Variants in MGST1 observed in about 807,000 individuals in gnomAD.
MGST1 encodes microsomal glutathione S-transferase 1.
Under a neutral mutation model 8.9 loss-of-function variants are expected in MGST1, and 5 were observed. The ratio of observed to expected loss-of-function variants is 0.56; its 90% CI spans 0.29 to 1.19. The LOEUF is 1.19. MGST1 is among the 50% of genes most tolerant of loss of function. The probability of loss-of-function intolerance (pLI) is 0.08; values close to 1 mark genes in which losing one functional copy is unlikely to be tolerated. For missense variants in MGST1, 182 were observed against 187.4 expected (o/e 0.97, Z 0.17); for synonymous variants, 54 against 67.8 (o/e 0.80, Z 1.00).
chr12:16,399,434 T>A (rs2137061096), intron 1 of MGST1: 1 of 1,540,044 alleles, frequency 6.5e-7, no homozygotes, highest in Non-Finnish European at 9.0e-7. Flanking sequence ...CTTGGTCCGC[T>A]TTTCGGGCTT....
At chr12:16,384,172 T>A (rs2137044881) in intron 1 of MGST1, among the ~76,000 whole-genome samples, 1 of 152,248 alleles carries the variant, frequency 6.6e-6, no homozygotes, top group South Asian at 2.1e-4. Context: ...CTGGCCTTTG[T>A]GAGAAGATAG....
At chr12:16,565,307 A>G (rs1410372834) in intron 4 of MGST1, among the ~76,000 whole-genome samples, 1 of 152,210 alleles carries the variant, frequency 6.6e-6, no homozygotes, top group Non-Finnish European at 1.5e-5. Context: ...TCACAGATTG[A>G]AGGACAATTG....
chr12:16,466,205 A>C (rs1299097177), intron 4 of MGST1, among the ~76,000 whole-genome samples: 1 of 152,224 alleles, frequency 6.6e-6, no homozygotes, highest in Non-Finnish European at 1.5e-5. Context: ...AGCTAGTCCC[A>C]TGGCTGTACT....
intron 4 of MGST1, among the ~76,000 whole-genome samples, chr12:16,462,982 A>G (rs1206103334): frequency 1.3e-5 from 2 of 152,122 alleles, no homozygotes; most frequent in Non-Finnish European, 1.5e-5. Context: ...ACTAACTTAC[A>G]TGTCTTCTTT....
chr12:16,421,569 T>C (rs548467493), intron 1 of MGST1, among the ~76,000 whole-genome samples: 2 of 152,336 alleles, frequency 1.3e-5, no homozygotes, highest in East Asian at 1.9e-4. Flanking sequence ...GCTCTATTCA[T>C]GTGTAGAATA....
chr12:16,396,624 C>T (rs1940608947), intron 1 of MGST1, among the ~76,000 whole-genome samples: 1 of 152,022 alleles, frequency 6.6e-6, no homozygotes, highest in Non-Finnish European at 1.5e-5. Flanking sequence ...AAATCAGTAA[C>T]TCTTCTACAC....
rs911053920 is a variant in MGST1, at chr12:16,513,874, C to T, written n.483-75654C>T. ...TCTGCCCAAACCAACCTGGGGAAGT[C>T]GCACACCCATCTTCAGGGATACTGG... On this transcript the variant is annotated intron_variant and non_coding_transcript_variant, in intron 4 of 4. Coordinates refer to the MGST1 transcript ENST00000538857. The surrounding 1 kb of genome is among the most constrained non-coding windows in gnomAD (Gnocchi z 4.2). 6 of 608,100 alleles carry T rather than the reference C, an allele frequency of 9.9e-6. No homozygotes were observed. The highest frequency in any genetic ancestry group is 7.4e-5 in the East Asian group (2 of 27,106). 37.7% of individuals were successfully genotyped at this position (608,100 alleles called of 1,614,324 possible). A position where few individuals can be genotyped will look rare whatever the true frequency, so the allele number is the denominator to read the frequency against.
chr12:16,540,020 A>T (rs1407485233), intron 4 of MGST1, among the ~76,000 whole-genome samples: 1 of 152,028 alleles, frequency 6.6e-6, no homozygotes, highest in Non-Finnish European at 1.5e-5. Context: ...TGGAAGCACC[A>T]TTTTTTACTG....
intron 4 of MGST1, among the ~76,000 whole-genome samples, chr12:16,529,331 G>T (rs17669482): frequency 0.022 from 3,289 of 151,976 alleles, 50 homozygotes; most frequent in Non-Finnish European, 0.033. Flanking sequence ...GATAGTCTGC[G>T]AATTTAAGTG....
chr12:16,538,351 T>C (rs959231138), intron 4 of MGST1, among the ~76,000 whole-genome samples: 3 of 152,154 alleles, frequency 2.0e-5, no homozygotes, highest in Non-Finnish European at 4.4e-5. Flanking sequence ...CTCTAAACTT[T>C]CCCACATTTC....
At position 16,482,418 on chromosome 12, in the gene MGST1, G is replaced by A. The variant is rs1310108961; in HGVS notation, n.482+98814G>A. Among the ~76,000 whole-genome samples, 7 of 152,142 alleles carry A rather than the reference G, an allele frequency of 4.6e-5. No individual in the cohort carries two copies. ...GAGGCCAAGACAGGTGGATCACGAG[G>A]ACAGGAGTTCCAGATCAGCCTGGCC... On this transcript the variant is annotated intron_variant and non_coding_transcript_variant, in intron 4 of 4. Transcript: ENST00000538857. This position sits in a 1 kb window ranked among gnomAD's most constrained non-coding sequence, Gnocchi z 4.2.
At chr12:16,382,210 C>T (rs936191872), upstream of MGST1, among the ~76,000 whole-genome samples, 16 of 152,256 alleles carry the variant, frequency 1.1e-4, no homozygotes, top group Middle Eastern at 3.4e-3. Flanking sequence ...GGAGGAGAGG[C>T]GCTCTGATTT....
rs964664014 is a variant in MGST1, at chr12:16,582,107, A to G, written n.483-7421A>G. 2.0e-5 allele frequency among the ~76,000 whole-genome samples: 3 copies of G among 152,260 alleles called. No homozygotes were observed. The South Asian group carries it at 6.2e-4, about 32-fold the overall frequency. ...AATTACTTTAGTATTTAGCTGTTTT[A>G]TAAATTTGCAGTTAGGTTTCAGTAA... On this transcript the variant is annotated intron_variant and non_coding_transcript_variant, in intron 4 of 4. Coordinates refer to the MGST1 transcript ENST00000538857. The surrounding 1 kb of genome is among the most constrained non-coding windows in gnomAD (Gnocchi z 4.1).
At position 16,461,288 on chromosome 12, in the gene MGST1, T is replaced by G. The variant is rs566406127; in HGVS notation, n.482+77684T>G. Among the ~76,000 whole-genome samples the G allele has an allele frequency of 2.2e-4, 33 of 152,248 alleles. 1 individual carries two copies. The South Asian group carries it at 6.8e-3, about 32-fold the overall frequency. ...AATTATTATTAATCCATAGATACCC[T>G]GAACACTAAGGGGATTTAAATTAAT... On this transcript the variant is annotated intron_variant and non_coding_transcript_variant, in intron 4 of 4. Coordinates refer to the MGST1 transcript ENST00000538857.
chr12:16,463,216 T>G (rs1941232478), intron 4 of MGST1, among the ~76,000 whole-genome samples: 1 of 152,074 alleles, frequency 6.6e-6, no homozygotes, highest in Non-Finnish European at 1.5e-5. Flanking sequence ...TGAGGTTTTC[T>G]CCGTCAACCT....
downstream of MGST1, among the ~76,000 whole-genome samples, chr12:16,441,495 A>G (rs890669142): frequency 6.6e-5 from 10 of 151,854 alleles, no homozygotes; most frequent in Non-Finnish European, 1.0e-4. Flanking sequence ...GCCTATTCAT[A>G]TCTGCCTCTC....
In MGST1 at chr12:16,576,802, T is replaced by A. The variant is rs1943008718; in HGVS notation, n.483-12726T>A. Reference sequence around the variant, plus strand: ...CCCCTAGATTAGTACCATCTATTTTTAAATACCATTTTAAATTCAGTGTAC... The same window carrying A: ...CCCCTAGATTAGTACCATCTATTTTAAAATACCATTTTAAATTCAGTGTAC... On this transcript the variant is annotated intron_variant and non_coding_transcript_variant, in intron 4 of 4. Coordinates refer to the MGST1 transcript ENST00000538857. The surrounding 1 kb of genome is among the most constrained non-coding windows in gnomAD (Gnocchi z 4.1). Among the ~76,000 whole-genome samples the A allele has an allele frequency of 2.0e-5, 3 of 152,236 alleles. No individual in the cohort carries two copies. The South Asian group carries it at 6.2e-4, about 31-fold the overall frequency.
downstream of MGST1, among the ~76,000 whole-genome samples, chr12:16,365,034 A>G (rs887050222): frequency 6.6e-6 from 1 of 152,300 alleles, no homozygotes; most frequent in African/African-American, 2.4e-5. Context: ...ATCAACAGGC[A>G]TATGATATCA....
Position 16,357,694 on chromosome 12 carries a change from A to C in MGST1, c.216A>C (p.Val72=). Residue 72 remains valine (V), a synonymous_variant, in exon 3 of 4, where the codon GTA becomes GTC. Transcript: ENST00000396210. ...YLRTDDRVER[V]RRAHLNDLEN... The stretch of plus-strand genomic sequence containing the variant: ...GAACAGATGACAGAGTAGAACGTGT[A>C]CGCAGGTAAACCAGTGTCTCTTGAA... The C allele has an allele frequency of 1.2e-6, 2 of 1,611,872 alleles. No homozygotes were observed. The highest frequency in any genetic ancestry group is 1.7e-6 in the Non-Finnish European group (2 of 1,179,054).
Sources: gnomAD v4.1 joint callset for allele counts (sites outside exome capture counted in the v4.1 genomes callset) on GRCh38, gnomAD v4.1.1 for gene constraint, Gnocchi (gnomAD v3.1) non-coding constraint, MANE v1.5 for transcripts, NCBI Gene and HGNC (gene_info 2026-07-23, HGNC 2026-07-21) for gene names.